CADM2: variants seen among roughly 807,000 people sequenced by gnomAD.
CADM2 encodes immunoglobulin superfamily member 4D.
Under a neutral mutation model 49.8 loss-of-function variants are expected in CADM2, and 12 were observed. The ratio of observed to expected loss-of-function variants is 0.24; its 90% CI spans 0.15 to 0.39. The LOEUF (loss-of-function observed/expected upper bound fraction) is 0.39. Ranked by LOEUF, CADM2 falls within the 10% of genes least tolerant of loss-of-function variation. The pLI is 1.00. For synonymous variants in CADM2, 214 were observed against 175.4 expected (o/e 1.22, Z -1.74); for missense variants, 378 against 492.3 (o/e 0.77, Z 2.20).
intron 1 of CADM2, among the ~76,000 whole-genome samples, chr3:85,611,283 C>A (rs1559942059): frequency 6.6e-6 from 1 of 150,876 alleles, no homozygotes; most frequent in Admixed American, 6.6e-5. Flanking sequence ...ACATTTTTAT[C>A]TCTGATGATG....
intron 1 of CADM2, among the ~76,000 whole-genome samples, chr3:85,483,709 G>C (rs2039306091): frequency 6.7e-6 from 1 of 150,216 alleles, no homozygotes; most frequent in African/African-American, 2.4e-5. Context: ...ATCCAGATAT[G>C]TATATAATAG....
chr3:86,025,032 C>T (rs1733709628), intron 8 of CADM2, among the ~76,000 whole-genome samples: 1 of 149,996 alleles, frequency 6.7e-6, no homozygotes, highest in African/African-American at 2.5e-5. Context: ...GCATGCACCA[C>T]TATGCCTGAC....
intron 1 of CADM2, among the ~76,000 whole-genome samples, chr3:85,541,582 C>A (rs2107038515): frequency 6.7e-6 from 1 of 149,956 alleles, no homozygotes; most frequent in East Asian, 2.0e-4. Context: ...AGGTTCAAAT[C>A]TTGGGTCCAC....
chr3:85,701,971 C>CATAA (rs1276552743), intron 1 of CADM2, among the ~76,000 whole-genome samples: 24,276 of 134,250 alleles, frequency 0.18, 2,101 homozygotes, highest in East Asian at 0.19. Flanking sequence ...GATAGATAGA[C>CATAA]ATAGATAGAT....
intron 1 of CADM2, among the ~76,000 whole-genome samples, chr3:85,043,520 A>T (rs1389407541): frequency 6.6e-6 from 1 of 151,920 alleles, no homozygotes; most frequent in Non-Finnish European, 1.5e-5. Context: ...TCTCTCAAAA[A>T]AGTAAAATAA....
intron 2 of CADM2, among the ~76,000 whole-genome samples, chr3:85,781,258 G>A (rs1487780650): frequency 1.3e-5 from 2 of 151,986 alleles, no homozygotes; most frequent in African/African-American, 4.8e-5. Flanking sequence ...TCATGTAATT[G>A]GCCTTTAAGT....
intron 1 of CADM2, among the ~76,000 whole-genome samples, chr3:85,578,936 T>G (rs2062719802): frequency 6.6e-6 from 1 of 152,200 alleles, no homozygotes; most frequent in Non-Finnish European, 1.5e-5. Flanking sequence ...TAACAAAGTG[T>G]GAAATGTTTC....
intron 1 of CADM2, among the ~76,000 whole-genome samples, chr3:84,972,749 A>G (rs777030005): frequency 4.6e-5 from 7 of 152,174 alleles, no homozygotes; most frequent in Non-Finnish European, 1.0e-4. Flanking sequence ...TCATTTATCA[A>G]CAAATACCTA....
At chr3:86,046,761 C>A (rs770645668) in intron 8 of CADM2, among the ~76,000 whole-genome samples, 2 of 151,924 alleles carry the variant, frequency 1.3e-5, no homozygotes, top group African/African-American at 4.8e-5. Flanking sequence ...TTTATTTTTC[C>A]TCCGTCTTAA....
At chr3:85,915,327 T>C (rs1466013919) in intron 6 of CADM2, among the ~76,000 whole-genome samples, 2 of 152,150 alleles carry the variant, frequency 1.3e-5, no homozygotes, top group Admixed American at 6.6e-5. Flanking sequence ...TGGTTTAATA[T>C]GTAAATGGCT....
intron 1 of CADM2, among the ~76,000 whole-genome samples, chr3:85,335,069 A>G (rs1211210255): frequency 2.0e-5 from 3 of 151,544 alleles, no homozygotes; most frequent in Admixed American, 6.6e-5. Flanking sequence ...AAAGATACTA[A>G]GTAAATAAAT....
chr3:85,414,380 A>G (rs1314024548), intron 1 of CADM2, among the ~76,000 whole-genome samples: 3 of 152,184 alleles, frequency 2.0e-5, no homozygotes. Flanking sequence ...GAGAAATAAC[A>G]TTTTAGAAAC....
At chr3:85,697,665 G>T (rs2066612209) in intron 1 of CADM2, among the ~76,000 whole-genome samples, 1 of 152,120 alleles carries the variant, frequency 6.6e-6, no homozygotes, top group South Asian at 2.1e-4. Context: ...TTCTCTAATG[G>T]CATAAAAGAC....
chr3:85,798,407 A>G (rs1577333640), intron 2 of CADM2, among the ~76,000 whole-genome samples: 1 of 152,288 alleles, frequency 6.6e-6, no homozygotes, highest in South Asian at 2.1e-4. Flanking sequence ...TCAGATCTTA[A>G]TGTTTAAATC....
At chr3:85,645,608 A>G (rs953588309) in intron 1 of CADM2, among the ~76,000 whole-genome samples, 1 of 151,996 alleles carries the variant, frequency 6.6e-6, no homozygotes, top group African/African-American at 2.4e-5. Flanking sequence ...AAAGCTCTGT[A>G]AAAATTTTTA....
chr3:85,791,573 AAAAG>A (rs2071338362), intron 2 of CADM2, among the ~76,000 whole-genome samples: 1 of 150,262 alleles, frequency 6.7e-6, no homozygotes, highest in Non-Finnish European at 1.5e-5. Context: ...AGAGAGAGAG[AAAAG>A]AAAGAGAGAC....
chr3:85,429,607 T>C (rs1046617442), intron 1 of CADM2, among the ~76,000 whole-genome samples: 3 of 152,150 alleles, frequency 2.0e-5, no homozygotes, highest in Non-Finnish European at 4.4e-5. Context: ...ATTTGCTTCA[T>C]ATTAGTTAAC....
Position 85,897,241 on chromosome 3 carries a change from C to CTTTTTTT in CADM2, c.529+10947_529+10953dup, listed in dbSNP as rs752550127. Among the ~76,000 whole-genome samples, 79 of 45,922 alleles carry CTTTTTTT rather than the reference C, an allele frequency of 1.7e-3. 19 individuals are homozygous for CTTTTTTT. Among genetic ancestry groups the CTTTTTTT allele is most frequent in the Non-Finnish European group, 2.1e-3 (47 of 21,888 alleles). The allele number at this position is 45,922 out of a possible 152,430, so 30.1% of individuals were successfully genotyped here. A position where few individuals can be genotyped will look rare whatever the true frequency, so the allele number is the denominator to read the frequency against. On this transcript the variant is annotated intron_variant, in intron 5 of 9. Coordinates refer to ENST00000383699, the MANE Select transcript of CADM2 (RefSeq NM_001167675.2). ...CAACAATAATTGCTTTAACCTACATCTTTTTTTTTTTTTTTTTTTTTTTTT... is the reference window on the plus strand; with the variant it reads ...CAACAATAATTGCTTTAACCTACATCTTTTTTTTTTTTTTTTTTTTTTTTTTTTTTTT...
chr3:86,026,919 T>C (rs1733966839), intron 8 of CADM2, among the ~76,000 whole-genome samples: 1 of 152,158 alleles, frequency 6.6e-6, no homozygotes, highest in Non-Finnish European at 1.5e-5. Flanking sequence ...TTAACTTGGT[T>C]AGGCAAGAAC....
Sources: allele counts gnomAD v4.1 joint callset (sites outside exome capture counted in the v4.1 genomes callset), GRCh38; gene constraint gnomAD v4.1.1; transcripts MANE v1.5; gene names NCBI Gene and HGNC (gene_info 2026-07-23, HGNC 2026-07-21).